RAD51B: variants seen among roughly 807,000 people sequenced by gnomAD.
The protein encoded by RAD51B is RAD51 paralog B.
RAD51B carries 38 observed loss-of-function variants against 42.2 expected under a neutral mutation model. That is an observed-to-expected ratio of 0.90 (90% CI 0.70 to 1.18). The LOEUF (loss-of-function observed/expected upper bound fraction) is 1.18, where lower values mean the gene tolerates loss of function less well. Ranked by LOEUF, RAD51B falls within the 50% of genes most tolerant of loss-of-function variation. RAD51B has a pLI of 0.00. For missense variants in RAD51B, 373 were observed against 400.7 expected (o/e 0.93, Z 0.59); for synonymous variants, 154 against 145.2 (o/e 1.06, Z -0.43).
chr14:68,287,611 C>T (rs2081437701), intron 7 of RAD51B, among the ~76,000 whole-genome samples: 1 of 152,078 alleles, frequency 6.6e-6, no homozygotes, highest in South Asian at 2.1e-4. Context: ...TGCGTGTTTT[C>T]AATAAGCCTT....
chr14:68,314,230 TC>T (rs2082015119), intron 8 of RAD51B, among the ~76,000 whole-genome samples: 1 of 151,990 alleles, frequency 6.6e-6, no homozygotes, highest in South Asian at 2.1e-4. Flanking sequence ...AAAGGACACT[TC>T]CACTGCCCAG....
At chr14:68,608,817 C>T (rs1235002987) in intron 10 of RAD51B, among the ~76,000 whole-genome samples, 1 of 152,140 alleles carries the variant, frequency 6.6e-6, no homozygotes, top group Non-Finnish European at 1.5e-5. Flanking sequence ...CAGCAGTTTC[C>T]CCAGCCAAGG....
chr14:68,476,784 C>CT (rs1424436829), intron 10 of RAD51B, among the ~76,000 whole-genome samples: 2 of 152,190 alleles, frequency 1.3e-5, no homozygotes, highest in Admixed American at 6.5e-5. Context: ...AATAGAGGAG[C>CT]TTTTGAAAAA....
At chr14:68,546,001 G>C (rs2140374952) in intron 10 of RAD51B, among the ~76,000 whole-genome samples, 1 of 152,308 alleles carries the variant, frequency 6.6e-6, no homozygotes, top group East Asian at 1.9e-4. Context: ...TTTTTAGCTT[G>C]CTTCTTGTTT....
At chr14:68,285,592 A>C (rs1458792527) in intron 7 of RAD51B, among the ~76,000 whole-genome samples, 1 of 152,178 alleles carries the variant, frequency 6.6e-6, no homozygotes, top group East Asian at 1.9e-4. Context: ...AGGACGGACT[A>C]TCACTGCACC....
At chr14:67,858,377 C>T (rs2042063050) in intron 4 of RAD51B, among the ~76,000 whole-genome samples, 1 of 152,170 alleles carries the variant, frequency 6.6e-6, no homozygotes, top group Non-Finnish European at 1.5e-5. Context: ...AAGGGCAGGT[C>T]ATCTTCCCTA....
chr14:68,095,936 C>T (rs1455974292), intron 7 of RAD51B, among the ~76,000 whole-genome samples: 3 of 142,238 alleles, frequency 2.1e-5, no homozygotes, highest in Non-Finnish European at 3.0e-5. Flanking sequence ...GATCGTGCCT[C>T]TCTCCAGCCT....
At chr14:68,387,641 C>T (rs1459435904) in intron 8 of RAD51B, among the ~76,000 whole-genome samples, 1 of 152,182 alleles carries the variant, frequency 6.6e-6, no homozygotes, top group Non-Finnish European at 1.5e-5. Flanking sequence ...CACAAGGATA[C>T]TGGCATATCT....
intron 11 of RAD51B, among the ~76,000 whole-genome samples, chr14:68,672,559 A>G (rs1261679242): frequency 6.6e-6 from 1 of 152,168 alleles, no homozygotes; most frequent in African/African-American, 2.4e-5. Flanking sequence ...CCATTTTTAT[A>G]TTGGATAATC....
chr14:68,621,020 C>T (rs145179060), intron 10 of RAD51B, among the ~76,000 whole-genome samples: 87 of 152,310 alleles, frequency 5.7e-4, no homozygotes, highest in Admixed American at 4.7e-3. Flanking sequence ...CTGGAGGGGA[C>T]GGGGCAAGGC....
At chr14:68,072,179 A>G (rs1453138166) in intron 7 of RAD51B, among the ~76,000 whole-genome samples, 1 of 136,980 alleles carries the variant, frequency 7.3e-6, no homozygotes, top group Non-Finnish European at 1.5e-5. Flanking sequence ...TTTTATATAT[A>G]TATTTTCTAG....
At chr14:68,213,887 A>G (rs2079760995) in intron 7 of RAD51B, among the ~76,000 whole-genome samples, 1 of 152,228 alleles carries the variant, frequency 6.6e-6, no homozygotes, top group South Asian at 2.1e-4. Flanking sequence ...TAGTTACATG[A>G]TGAGAAAGAG....
intron 10 of RAD51B, among the ~76,000 whole-genome samples, chr14:68,642,196 A>G (rs1566962326): frequency 6.6e-6 from 1 of 152,208 alleles, no homozygotes; most frequent in Admixed American, 6.5e-5. Flanking sequence ...TCTTCCTTAA[A>G]TATTTAATAA....
intron 7 of RAD51B, among the ~76,000 whole-genome samples, chr14:67,935,713 A>C (rs1177977186): frequency 6.6e-6 from 1 of 152,316 alleles, no homozygotes; most frequent in East Asian, 1.9e-4. Context: ...GTCTTAGATA[A>C]GTAGCCCAGC....
At chr14:68,310,431 A>G (rs891982941) in intron 8 of RAD51B, among the ~76,000 whole-genome samples, 1 of 152,150 alleles carries the variant, frequency 6.6e-6, no homozygotes, top group Non-Finnish European at 1.5e-5. Context: ...AAGCCTGTAA[A>G]CCACACGGTA....
chr14:68,232,811 C>T (rs558156673), intron 7 of RAD51B, among the ~76,000 whole-genome samples: 1 of 152,306 alleles, frequency 6.6e-6, no homozygotes, highest in African/African-American at 2.4e-5. Flanking sequence ...AGCTTTTACT[C>T]ACAGGATGGC....
At chr14:67,898,878 G>A (rs916015359) in intron 7 of RAD51B, among the ~76,000 whole-genome samples, 1 of 152,060 alleles carries the variant, frequency 6.6e-6, no homozygotes, top group African/African-American at 2.4e-5. Context: ...TGGTTTAAAG[G>A]TTTTATTATC....
At chr14:67,904,502 A>T (rs946800253) in intron 7 of RAD51B, among the ~76,000 whole-genome samples, 22 of 146,846 alleles carry the variant, frequency 1.5e-4, no homozygotes, top group Non-Finnish European at 3.0e-5. Flanking sequence ...AATGATTAGG[A>T]ATGTTGACTT....
intron 10 of RAD51B, among the ~76,000 whole-genome samples, chr14:68,492,866 G>A (rs1884187784): frequency 1.3e-5 from 2 of 152,052 alleles, no homozygotes; most frequent in South Asian, 4.1e-4. Flanking sequence ...AACCCTCTGA[G>A]GCAAGTACCA....
Sources: gnomAD v4.1 joint callset for allele counts (sites outside exome capture counted in the v4.1 genomes callset) on GRCh38, gnomAD v4.1.1 for gene constraint, MANE v1.5 for transcripts, NCBI Gene and HGNC (gene_info 2026-07-23, HGNC 2026-07-21) for gene names.